UBE2H: variants seen among roughly 807,000 people sequenced by gnomAD.
UBE2H encodes ubiquitin-conjugating enzyme E2 H.
In UBE2H, 3 loss-of-function variants were observed where a neutral mutation model predicts 29.0. The observed-to-expected ratio is 0.10, with a 90% confidence interval of 0.05 to 0.27. The LOEUF is 0.27. Ranked by LOEUF, UBE2H falls within the 10% of genes least tolerant of loss-of-function variation. UBE2H has a pLI of 1.00. For synonymous variants in UBE2H, 69 were observed against 82.9 expected (o/e 0.83, Z 0.91); for missense variants, 68 against 228.2 (o/e 0.30, Z 4.52).
chr7:129,947,490 A>G (rs1807789140), intron 1 of UBE2H, among the ~76,000 whole-genome samples: 1 of 152,258 alleles, frequency 6.6e-6, no homozygotes, highest in Admixed American at 6.5e-5. Flanking sequence ...AGAGTAACAA[A>G]GACTACTAAC....
chr7:129,840,286 A>T (rs922963406), intron 5 of UBE2H, among the ~76,000 whole-genome samples: 1 of 152,112 alleles, frequency 6.6e-6, no homozygotes, highest in Admixed American at 6.5e-5. Flanking sequence ...CTTGGGCTCA[A>T]GCCAACCTCC....
intron 1 of UBE2H, among the ~76,000 whole-genome samples, chr7:129,884,267 A>C (rs949293866): frequency 3.3e-5 from 5 of 151,884 alleles, no homozygotes; most frequent in African/African-American, 9.7e-5. Context: ...AATACAAAAA[A>C]TTAGCCGAGC....
At position 129,858,891 on chromosome 7, in the gene UBE2H, T is replaced by G. The variant is rs1208535016; in HGVS notation, c.245+11A>C. On this transcript the variant is annotated intron_variant, in intron 4 of 6. Coordinates refer to ENST00000355621, the MANE Select transcript of UBE2H (RefSeq NM_003344.4). ...CTGCTAAAATTGAAACATTTTAAAA[T>G]AGTTACTTACGCTTCATCAATGTTG... 6.2e-7 allele frequency: 1 copy of G among 1,607,266 alleles called. No homozygotes were observed. Among genetic ancestry groups the G allele is most frequent in the Non-Finnish European group, 8.5e-7 (1 of 1,175,336 alleles).
chr7:129,847,204 A>AT (rs373937314), intron 5 of UBE2H, among the ~76,000 whole-genome samples: 2 of 152,118 alleles, frequency 1.3e-5, no homozygotes, highest in Admixed American at 1.3e-4. Context: ...CGCCCAGCTA[A>AT]TTTTTTGTAT....
chr7:129,921,852 T>G (rs1807170334), intron 1 of UBE2H, among the ~76,000 whole-genome samples: 1 of 152,204 alleles, frequency 6.6e-6, no homozygotes, highest in Non-Finnish European at 1.5e-5. Flanking sequence ...TTTCTTTCTT[T>G]GAAAGTGGCT....
At chr7:129,836,043 G>T (rs1447781770) in intron 6 of UBE2H, among the ~76,000 whole-genome samples, 1 of 152,110 alleles carries the variant, frequency 6.6e-6, no homozygotes, top group African/African-American at 2.4e-5. Flanking sequence ...TGGCCAATGT[G>T]GTCCTTTACA....
chr7:129,840,504 C>CA (rs1805409826), intron 5 of UBE2H, among the ~76,000 whole-genome samples: 1 of 152,116 alleles, frequency 6.6e-6, no homozygotes, highest in African/African-American at 2.4e-5. Context: ...CAGGCATACA[C>CA]AGATGATATC....
At chr7:129,938,574 A>G (rs1343611836) in intron 1 of UBE2H, among the ~76,000 whole-genome samples, 3 of 149,366 alleles carry the variant, frequency 2.0e-5, no homozygotes, top group African/African-American at 4.9e-5. Context: ...TTAGCTGGGC[A>G]TGGTGGCACA....
At chr7:129,873,489 C>G (rs374947712) in intron 3 of UBE2H, among the ~76,000 whole-genome samples, 1 of 146,886 alleles carries the variant, frequency 6.8e-6, no homozygotes, top group African/African-American at 2.5e-5. Flanking sequence ...GGCTGGAGTG[C>G]AGTGATGCTA....
intron 5 of UBE2H, among the ~76,000 whole-genome samples, chr7:129,848,457 A>T (rs1584741631): frequency 6.6e-6 from 1 of 152,230 alleles, no homozygotes; most frequent in South Asian, 2.1e-4. Context: ...GGCTGACAGG[A>T]AAGGAAAGAA....
At chr7:129,835,207 A>C (rs918702017) in intron 6 of UBE2H, 146 bp from the exon 7 acceptor site, 83 of 1,203,078 alleles carry the variant, frequency 6.9e-5, no homozygotes, top group Non-Finnish European at 9.3e-5. Flanking sequence ...TGATCACTAC[A>C]GCTAAGGAGA....
intron 1 of UBE2H, among the ~76,000 whole-genome samples, chr7:129,936,472 T>C (rs1029322142): frequency 1.3e-5 from 2 of 151,054 alleles, no homozygotes; most frequent in African/African-American, 2.4e-5. Context: ...CGGGCGCCTG[T>C]AGTCCCAGCT....
chr7:129,866,752 A>C (rs1805911648), intron 3 of UBE2H, among the ~76,000 whole-genome samples: 1 of 152,244 alleles, frequency 6.6e-6, no homozygotes, highest in Admixed American at 6.5e-5. Context: ...TTTTTTAAAA[A>C]GGACCAGGCT....
intron 1 of UBE2H, among the ~76,000 whole-genome samples, chr7:129,886,845 G>C (rs999904779): frequency 7.3e-5 from 11 of 151,584 alleles, no homozygotes; most frequent in Admixed American, 6.6e-4. Context: ...TAGTGCTTTG[G>C]GGGGGATATG....
At chr7:129,917,257 C>T (rs911231478) in intron 1 of UBE2H, among the ~76,000 whole-genome samples, 11 of 152,336 alleles carry the variant, frequency 7.2e-5, no homozygotes, top group East Asian at 1.9e-4. Context: ...CGAGATTATG[C>T]TGTTTTTCAT....
intron 1 of UBE2H, among the ~76,000 whole-genome samples, chr7:129,932,679 C>T (rs1807431509): frequency 6.8e-6 from 1 of 146,324 alleles, no homozygotes; most frequent in African/African-American, 2.5e-5. Flanking sequence ...GAGGCTGAGG[C>T]AGAAGAATTG....
intron 1 of UBE2H, among the ~76,000 whole-genome samples, chr7:129,911,297 G>A (rs1291790518): frequency 6.6e-6 from 1 of 151,832 alleles, no homozygotes; most frequent in Non-Finnish European, 1.5e-5. Flanking sequence ...GAACCTGGGA[G>A]GTGGAGGTTC....
intron 1 of UBE2H, among the ~76,000 whole-genome samples, chr7:129,895,282 G>A (rs891901517): frequency 3.4e-4 from 51 of 152,084 alleles, no homozygotes; most frequent in Non-Finnish European, 7.4e-5. Flanking sequence ...AAGCACAGGC[G>A]GAAGACCTAG....
At chr7:129,880,620 T>C (rs1033430855) in intron 2 of UBE2H, among the ~76,000 whole-genome samples, 1 of 152,208 alleles carries the variant, frequency 6.6e-6, no homozygotes, top group African/African-American at 2.4e-5. Context: ...GGAGGATGTG[T>C]GTAGGTTACA....
Sources: allele counts gnomAD v4.1 joint callset (sites outside exome capture counted in the v4.1 genomes callset), GRCh38; gene constraint gnomAD v4.1.1; transcripts MANE v1.5; gene names NCBI Gene and HGNC (gene_info 2026-07-23, HGNC 2026-07-21).